Variants in SQSTM1 observed in about 807,000 individuals in gnomAD.
The protein encoded by SQSTM1 is sequestosome 1, also known as sequestosome-1.
Under a neutral mutation model 45.1 loss-of-function variants are expected in SQSTM1, and 36 were observed. That is an observed-to-expected ratio of 0.80 (90% CI 0.61 to 1.05). The LOEUF is 1.05. Ranked by LOEUF, SQSTM1 falls within the 50% of genes least tolerant of loss-of-function variation. SQSTM1 has a pLI of 0.00. For synonymous variants in SQSTM1, 290 were observed against 244.3 expected, an observed-to-expected ratio of 1.19 and a Z score of -1.74; for missense variants, 617 against 607.1, an observed-to-expected ratio of 1.02 and a Z score of -0.17.
rs142061446 is a variant in SQSTM1, at chr5:179,837,441, G to A, written c.*848G>A. On this transcript the variant is annotated 3_prime_UTR_variant, in exon 8 of 8. Transcript: ENST00000389805. The stretch of plus-strand genomic sequence containing the variant: ...CCAGTTATAAAGAGGTCACATAGTC[G>A]TGTGGGTCGAGGATTCTGTGCCTCC... 9.9e-6 allele frequency: 16 copies of A among 1,610,516 alleles called. No homozygotes were observed. Among genetic ancestry groups the A allele is most frequent in the South Asian group, 3.3e-5 (3 of 90,884 alleles).
intron 2 of SQSTM1, chr5:179,812,030 T>G (rs1358298932): frequency 1.3e-5 from 2 of 152,038 alleles, no homozygotes; most frequent in Non-Finnish European, 2.9e-5. Flanking sequence ...GGTCTCGATC[T>G]CCTGACTTCA....
chr5:179,837,907 C>G lies in SQSTM1; in HGVS notation c.*1314C>G, dbSNP rs773908994. ...GTCCCTGAAAGAGAAGATGGCCATGCCCTCCATGTGTAAGAACAATGCCAG... is the reference window on the plus strand; with the variant it reads ...GTCCCTGAAAGAGAAGATGGCCATGGCCTCCATGTGTAAGAACAATGCCAG... On this transcript the variant is annotated 3_prime_UTR_variant, in exon 8 of 8. Transcript: ENST00000389805. The G allele has an allele frequency of 4.9e-5, 78 of 1,593,768 alleles. No homozygotes were observed. In the Admixed American group the frequency reaches 1.2e-3, roughly 25 times the overall value.
chr5:179,823,836 G>A, intron 2 of SQSTM1, 22 bp from the exon 3 acceptor site: 1 of 1,607,350 alleles, frequency 6.2e-7, no homozygotes, highest in Non-Finnish European at 8.5e-7. Context: ...CACCCTAGCG[G>A]CTCTCTTTAC....
rs770814240 is a variant in SQSTM1 at position 179,837,440 on chromosome 5, C to G, written c.*847C>G. 3.7e-6 allele frequency: 6 copies of G among 1,610,290 alleles called. No individual in the cohort carries two copies. The highest frequency in any genetic ancestry group is 5.1e-6 in the Non-Finnish European group (6 of 1,177,674). ...CCCAGTTATAAAGAGGTCACATAGT[C>G]GTGTGGGTCGAGGATTCTGTGCCTC... On this transcript the variant is annotated 3_prime_UTR_variant, in exon 8 of 8. Coordinates refer to ENST00000389805, the MANE Select transcript of SQSTM1 (RefSeq NM_003900.5).
In SQSTM1 at chr5:179,823,924, A is replaced by G. The variant is rs768195831; in HGVS notation, c.368A>G (p.His123Arg). The G allele has an allele frequency of 6.2e-7, 1 of 1,613,852 alleles. No individual in the cohort carries two copies. Among genetic ancestry groups the G allele is most frequent in the Non-Finnish European group, 8.5e-7 (1 of 1,180,032 alleles). ...CAGGAGGCGCCCCGCAACATGGTGC[A>G]CCCCAATGTGATCTGCGATGGCTGC... ...CAQEAPRNMV[H>R]PNVICDGCNG... Residue 123 changes from histidine to arginine, a missense_variant, in exon 3 of 8, where the codon CAC (histidine) becomes CGC (arginine). By Grantham distance (29) the His-to-Arg change is conservative (BLOSUM62 0). Transcript: ENST00000389805.
intron 5 of SQSTM1, among the ~76,000 whole-genome samples, chr5:179,827,095 G>A (rs1264939987): frequency 6.6e-6 from 1 of 152,184 alleles, no homozygotes; most frequent in East Asian, 1.9e-4. Flanking sequence ...CTAGGTTCAG[G>A]TAGAGACTTT....
At chr5:179,826,424 C>T (rs750897190) in intron 5 of SQSTM1, among the ~76,000 whole-genome samples, 6 of 151,956 alleles carry the variant, frequency 3.9e-5, no homozygotes, top group Non-Finnish European at 8.8e-5. Flanking sequence ...GTCTTGGCCT[C>T]CCAAAGTGCT....
intron 2 of SQSTM1, chr5:179,812,959 G>T (rs1247594679): frequency 6.7e-6 from 1 of 149,140 alleles, no homozygotes; most frequent in Non-Finnish European, 1.5e-5. Context: ...TAATTTTTTT[G>T]GTAATGTAAT....
At position 179,834,750 on chromosome 5, in the gene SQSTM1, GA is replaced by G. The variant is rs760233334; in HGVS notation, c.1165+969del. The stretch of plus-strand genomic sequence containing the variant: ...TGGGGGTAAGGTCACAGATCAACAG[GA>G]TAAGAATTTTTCTTAGTACAGAACA... On this transcript the variant is annotated intron_variant, in intron 7 of 7. Transcript: ENST00000389805. Among the ~76,000 whole-genome samples, 375 of 152,268 alleles carry G rather than the reference GA, an allele frequency of 2.5e-3. 1 individual carries two copies. The highest frequency in any genetic ancestry group is 1.5e-3 in the Non-Finnish European group (104 of 68,026).
intron 2 of SQSTM1, 109 bp downstream of exon 2, chr5:179,823,162 G>C: frequency 9.5e-7 from 1 of 1,047,892 alleles, no homozygotes; most frequent in South Asian, 1.3e-5. Flanking sequence ...TCAGCAATTT[G>C]AGGGCTGTTT....
In SQSTM1 at chr5:179,836,617, G is replaced by C; in HGVS notation, c.*24G>C. 6.2e-7 allele frequency: 1 copy of C among 1,611,514 alleles called. No individual in the cohort carries two copies. Among genetic ancestry groups the C allele is most frequent in the Non-Finnish European group, 8.5e-7 (1 of 1,179,972 alleles). On this transcript the variant is annotated 3_prime_UTR_variant, in exon 8 of 8. Coordinates refer to ENST00000389805, the MANE Select transcript of SQSTM1 (RefSeq NM_003900.5). The stretch of plus-strand genomic sequence containing the variant: ...GACCACTTTTGCCCACCTCTTCTGC[G>C]TGCCCCTCTTCTGTCTCATAGTTGT...
Position 179,821,160 on chromosome 5 carries a change from G to C in SQSTM1, c.205+19G>C. 1 of 1,327,892 alleles carries C rather than the reference G, an allele frequency of 7.5e-7. No homozygotes were observed. Among genetic ancestry groups the C allele is most frequent in the Non-Finnish European group, 9.6e-7 (1 of 1,043,900 alleles). The allele number at this position is 1,327,892 out of a possible 1,614,324, so 82.3% of individuals were successfully genotyped here. ...TACCGCGGTGAGCGGGCCGGGGAGC[G>C]GCGGGGGCGGTGACGCAGGCCGGAC... is the stretch of plus-strand genomic sequence containing the variant. On this transcript the variant is annotated intron_variant, in intron 1 of 7. Transcript: ENST00000389805.
rs59899831 is a variant in SQSTM1, at chr5:179,823,445, C to CAAAAAA, written c.302-383_302-378dup. ...CATGACTGTACTCCAGCCTAGGCGACAAAAAAAAAAAAAAAAAAAAAAAAA... is the reference window on the plus strand; with the variant it reads ...CATGACTGTACTCCAGCCTAGGCGACAAAAAAAAAAAAAAAAAAAAAAAAAAAAAAA... On this transcript the variant is annotated intron_variant, in intron 2 of 7. Coordinates refer to ENST00000389805, the MANE Select transcript of SQSTM1 (RefSeq NM_003900.5). 5.7e-4 allele frequency: 32 copies of CAAAAAA among 55,924 alleles called. 1 individual carries two copies. The highest frequency in any genetic ancestry group is 8.9e-4 in the African/African-American group (11 of 12,378). The allele number at this position is 55,924 out of a possible 1,614,324, so 3.5% of individuals were successfully genotyped here. A position where few individuals can be genotyped will look rare whatever the true frequency, so the allele number is the denominator to read the frequency against.
chr5:179,816,642 C>T (rs1260468827), upstream of SQSTM1, among the ~76,000 whole-genome samples: 2 of 152,246 alleles, frequency 1.3e-5, no homozygotes, highest in Admixed American at 6.5e-5. Flanking sequence ...TCCCCCACCT[C>T]GCTCCAGATT....
upstream of SQSTM1, among the ~76,000 whole-genome samples, chr5:179,818,676 AC>A (rs1212512724): frequency 6.6e-6 from 1 of 150,994 alleles, no homozygotes; most frequent in Non-Finnish European, 1.5e-5. Flanking sequence ...TCCTGCCCTG[AC>A]CCCCCAGCTT....
intron 7 of SQSTM1, among the ~76,000 whole-genome samples, chr5:179,834,856 C>T (rs2113517379): frequency 6.6e-6 from 1 of 152,376 alleles, no homozygotes; most frequent in South Asian, 2.1e-4. Context: ...CCCCACCTTT[C>T]CCCGCTTTCT....
At chr5:179,826,792 G>A (rs919517990) in intron 5 of SQSTM1, among the ~76,000 whole-genome samples, 1 of 151,582 alleles carries the variant, frequency 6.6e-6, no homozygotes, top group Admixed American at 6.6e-5. Context: ...GTAGAGACGG[G>A]GTTTCACTGT....
chr5:179,815,687 T>C (rs150954475), upstream of SQSTM1, among the ~76,000 whole-genome samples: 71 of 152,288 alleles, frequency 4.7e-4, no homozygotes, highest in East Asian at 0.013. Flanking sequence ...ACCAGGGTGC[T>C]ACAGTGCTCT....
At chr5:179,815,806 C>T (rs1307028390), upstream of SQSTM1, among the ~76,000 whole-genome samples, 4 of 152,182 alleles carry the variant, frequency 2.6e-5, no homozygotes, top group Non-Finnish European at 5.9e-5. Flanking sequence ...CCTTTATCCA[C>T]AGATGACCCC....
Sources: gnomAD v4.1 joint callset for allele counts (sites outside exome capture counted in the v4.1 genomes callset) on GRCh38, gnomAD v4.1.1 for gene constraint, MANE v1.5 for transcripts, NCBI Gene and HGNC (gene_info 2026-07-23, HGNC 2026-07-21) for gene names.